The following SYNDIG1 variants were observed in gnomAD, a reference collection of about 807,000 sequenced individuals.
SYNDIG1 encodes synapse differentiation inducing 1, also known as synapse differentiation-inducing gene protein 1.
A neutral mutation model predicts 19.4 loss-of-function variants in SYNDIG1; 9 were observed. The observed-to-expected ratio is 0.46, with a 90% CI of 0.28 to 0.81. SYNDIG1 has a LOEUF of 0.81. Among genes scored for constraint, SYNDIG1 ranks in the 30% least tolerant of loss-of-function variants. SYNDIG1 has a pLI of 0.12. For synonymous variants in SYNDIG1, 141 were observed against 145.9 expected (o/e 0.97, Z 0.24); for missense variants, 311 against 343.3 (o/e 0.91, Z 0.74).
intron 2 of SYNDIG1, among the ~76,000 whole-genome samples, chr20:24,561,428 C>T (rs761194953): frequency 7.2e-5 from 11 of 152,186 alleles, no homozygotes; most frequent in Non-Finnish European, 1.3e-4. Context: ...AGTAGCTGGG[C>T]GTGGTTTTCC....
intron 1 of SYNDIG1, among the ~76,000 whole-genome samples, chr20:24,515,186 A>G (rs561199505): frequency 1.4e-3 from 219 of 152,336 alleles, no homozygotes; most frequent in African/African-American, 5.0e-3. Flanking sequence ...AAGATCTAAA[A>G]TTGACACCCT....
At chr20:24,492,942 T>C (rs148355977) in intron 1 of SYNDIG1, among the ~76,000 whole-genome samples, 65 of 152,328 alleles carry the variant, frequency 4.3e-4, no homozygotes, top group African/African-American at 1.5e-3. Flanking sequence ...GATTGAAGCA[T>C]TGGTGGTGAT....
intron 3 of SYNDIG1, among the ~76,000 whole-genome samples, chr20:24,641,975 C>T (rs1211105530): frequency 1.3e-5 from 2 of 152,196 alleles, no homozygotes; most frequent in Non-Finnish European, 2.9e-5. Context: ...ACTGCTAACA[C>T]ATTATCAGAA....
intron 3 of SYNDIG1, among the ~76,000 whole-genome samples, chr20:24,612,886 C>G (rs764658142): frequency 1.4e-4 from 22 of 152,230 alleles, no homozygotes; most frequent in African/African-American, 5.1e-4. Flanking sequence ...GTGCCCATCT[C>G]AACCACAGGC....
intron 3 of SYNDIG1, among the ~76,000 whole-genome samples, chr20:24,636,140 G>A (rs181839109): frequency 1.1e-4 from 17 of 152,232 alleles, no homozygotes; most frequent in Admixed American, 1.1e-3. Flanking sequence ...ATCCATATTT[G>A]CCGGTATATG....
intron 2 of SYNDIG1, among the ~76,000 whole-genome samples, chr20:24,583,091 G>A (rs376394393): frequency 6.6e-6 from 1 of 152,220 alleles, no homozygotes; most frequent in South Asian, 2.1e-4. Context: ...GCAGCCCTGC[G>A]GCTGGCTGCA....
chr20:24,653,154 T>C lies in SYNDIG1; in HGVS notation c.619-12192T>C, dbSNP rs557780662. Among the ~76,000 whole-genome samples the C allele has an allele frequency of 2.9e-4, 44 of 152,108 alleles. No homozygotes were observed. In the South Asian group the frequency reaches 4.6e-3, roughly 16 times the overall value. ...TTTAAGTTATGGTAAAAGAATAAGATGTGAAACCATGAAGGAAAAGAGAAT... is the reference window on the plus strand; with the variant it reads ...TTTAAGTTATGGTAAAAGAATAAGACGTGAAACCATGAAGGAAAAGAGAAT... On this transcript the variant is annotated intron_variant, in intron 3 of 3. Transcript: ENST00000376862.
chr20:24,544,957 C>T (rs2057544380), intron 2 of SYNDIG1, among the ~76,000 whole-genome samples: 1 of 152,022 alleles, frequency 6.6e-6, no homozygotes, highest in African/African-American at 2.4e-5. Context: ...TGCACTCTGC[C>T]TGGAAGGTGG....
At chr20:24,539,306 T>A (rs1054170083) in intron 1 of SYNDIG1, among the ~76,000 whole-genome samples, 2 of 152,174 alleles carry the variant, frequency 1.3e-5, no homozygotes, top group African/African-American at 2.4e-5. Context: ...CTTCATTCTT[T>A]TGCATGTGGA....
intron 1 of SYNDIG1, among the ~76,000 whole-genome samples, chr20:24,485,765 T>C (rs963657594): frequency 6.6e-6 from 1 of 152,162 alleles, no homozygotes; most frequent in Non-Finnish European, 1.5e-5. Context: ...CCTGGAGGAA[T>C]CTGGAAGCAG....
At chr20:24,493,025 T>C (rs1313894315) in intron 1 of SYNDIG1, among the ~76,000 whole-genome samples, 2 of 152,230 alleles carry the variant, frequency 1.3e-5, no homozygotes, top group South Asian at 2.1e-4. Flanking sequence ...GTAAGGGATA[T>C]TGAAATTCAA....
chr20:24,570,315 A>T (rs2058121359), intron 2 of SYNDIG1, among the ~76,000 whole-genome samples: 1 of 152,254 alleles, frequency 6.6e-6, no homozygotes, highest in East Asian at 1.9e-4. Flanking sequence ...CTTAATCAAA[A>T]TTAAAAACTT....
chr20:24,547,976 A>G (rs907163226), intron 2 of SYNDIG1, among the ~76,000 whole-genome samples: 1 of 152,202 alleles, frequency 6.6e-6, no homozygotes, highest in African/African-American at 2.4e-5. Flanking sequence ...GTCACCACCT[A>G]GAAGCGGTGC....
intron 3 of SYNDIG1, among the ~76,000 whole-genome samples, chr20:24,608,108 G>T (rs1472978160): frequency 5.9e-5 from 9 of 151,908 alleles, no homozygotes; most frequent in Admixed American, 4.6e-4. Context: ...TAATTATAAA[G>T]ATATGATCTA....
intron 1 of SYNDIG1, among the ~76,000 whole-genome samples, chr20:24,536,244 TG>T (rs926101180): frequency 6.6e-6 from 1 of 152,180 alleles, no homozygotes; most frequent in Admixed American, 6.5e-5. Context: ...AGGTGATATC[TG>T]AGTGTGGCCA....
chr20:24,554,432 G>A (rs1389305923), intron 2 of SYNDIG1, among the ~76,000 whole-genome samples: 2 of 152,174 alleles, frequency 1.3e-5, no homozygotes, highest in Non-Finnish European at 2.9e-5. Context: ...TATGATATTG[G>A]CTGTGGGTTG....
chr20:24,518,666 C>T (rs1202997232), intron 1 of SYNDIG1, among the ~76,000 whole-genome samples: 2 of 152,192 alleles, frequency 1.3e-5, no homozygotes, highest in African/African-American at 2.4e-5. Context: ...TGGCCCTGCT[C>T]GTGTCCCAGC....
intron 3 of SYNDIG1, among the ~76,000 whole-genome samples, chr20:24,604,586 G>A (rs2058726025): frequency 6.6e-6 from 1 of 152,132 alleles, no homozygotes; most frequent in Non-Finnish European, 1.5e-5. Context: ...AAAGGGGAGG[G>A]ACCCTCAGTT....
chr20:24,661,504 G>GAGGAAGGAGGGAGGGAGGAGGGAGGGAAA (rs2059598393), intron 3 of SYNDIG1, among the ~76,000 whole-genome samples: 1 of 144,116 alleles, frequency 6.9e-6, no homozygotes, highest in South Asian at 2.3e-4. Flanking sequence ...AGGGAGGGAA[G>GAGGAAGGAGGGAGGGAGGAGGGAGGGAAA]AGGGAGGAAG....
Sources: gnomAD v4.1 joint callset for allele counts (sites outside exome capture counted in the v4.1 genomes callset) on GRCh38, gnomAD v4.1.1 for gene constraint, MANE v1.5 for transcripts, NCBI Gene and HGNC (gene_info 2026-07-23, HGNC 2026-07-21) for gene names.